OPCML: variants seen among roughly 807,000 people sequenced by gnomAD.
OPCML encodes opioid-binding protein/cell adhesion molecule.
Under a neutral mutation model 37.8 loss-of-function variants are expected in OPCML, and 13 were observed. The ratio of observed to expected loss-of-function variants is 0.34; its 90% confidence interval spans 0.22 to 0.55. OPCML has a LOEUF of 0.55. Ranked by LOEUF, OPCML falls within the 20% of genes least tolerant of loss-of-function variation. The pLI is 0.91. For synonymous variants in OPCML, 176 were observed against 168.8 expected (o/e 1.04, Z -0.33); for missense variants, 341 against 435.6 (o/e 0.78, Z 1.93).
intron 1 of OPCML, among the ~76,000 whole-genome samples, chr11:133,151,829 A>C (rs563828123): frequency 6.2e-4 from 94 of 152,198 alleles, no homozygotes; most frequent in African/African-American, 2.1e-3. Context: ...AAAAATCTCA[A>C]CTGAGATCCC....
chr11:133,260,370 G>A (rs1269258323), intron 1 of OPCML, among the ~76,000 whole-genome samples: 1 of 152,146 alleles, frequency 6.6e-6, no homozygotes, highest in African/African-American at 2.4e-5. Context: ...GTTGAGACCT[G>A]ACTAAAGAGG....
intron 3 of OPCML, among the ~76,000 whole-genome samples, chr11:132,620,573 C>A (rs1411260836): frequency 6.6e-6 from 1 of 152,200 alleles, no homozygotes; most frequent in Non-Finnish European, 1.5e-5. Context: ...TTTACCAACA[C>A]TGGCTACATA....
chr11:132,626,002 AT>A lies in OPCML; in HGVS notation c.379+31084del, dbSNP rs1258696074. Among the ~76,000 whole-genome samples, 9 of 151,870 alleles carry A rather than the reference AT, an allele frequency of 5.9e-5. No individual in the cohort carries two copies. The East Asian group carries it at 1.7e-3, about 29-fold the overall frequency. On this transcript the variant is annotated intron_variant, in intron 3 of 7. Transcript: ENST00000524381. Reference sequence around the variant, plus strand: ...TATGTTTAAATACATGTCTCCATTTATTTTTTCAAGAAACATTCATTGAACT... The same window carrying A: ...TATGTTTAAATACATGTCTCCATTTATTTTTCAAGAAACATTCATTGAACT...
At chr11:133,354,381 C>T (rs971010376) in intron 1 of OPCML, among the ~76,000 whole-genome samples, 4 of 70,506 alleles carry the variant, frequency 5.7e-5, no homozygotes, top group Admixed American at 3.1e-4. Context: ...AAGAAAAATA[C>T]GAATCAATGC....
chr11:132,918,481 A>T (rs1944681097), intron 2 of OPCML, among the ~76,000 whole-genome samples: 1 of 152,334 alleles, frequency 6.6e-6, no homozygotes, highest in South Asian at 2.1e-4. Flanking sequence ...ATAAAATTGG[A>T]ATCATACAGC....
At chr11:133,266,506 T>C (rs375614181) in intron 1 of OPCML, among the ~76,000 whole-genome samples, 150 of 152,304 alleles carry the variant, frequency 9.8e-4, no homozygotes, top group African/African-American at 3.5e-3. Context: ...CATCATACCA[T>C]GTTGTTGTCA....
At chr11:132,914,791 A>G (rs983528519) in intron 2 of OPCML, among the ~76,000 whole-genome samples, 1 of 152,184 alleles carries the variant, frequency 6.6e-6, no homozygotes, top group Non-Finnish European at 1.5e-5. Context: ...AGCCCCAAGG[A>G]GCTGGCTAAG....
chr11:132,803,026 C>A (rs1249123949), intron 2 of OPCML, among the ~76,000 whole-genome samples: 1 of 152,098 alleles, frequency 6.6e-6, no homozygotes, highest in Admixed American at 6.5e-5. Flanking sequence ...AACAAGCTCC[C>A]ACTCTAACAA....
chr11:132,510,422 C>T (rs1335673628), intron 4 of OPCML, among the ~76,000 whole-genome samples: 1 of 151,994 alleles, frequency 6.6e-6, no homozygotes, highest in African/African-American at 2.4e-5. Context: ...TTTGGAGGGG[C>T]CAGGGGCAGA....
intron 1 of OPCML, among the ~76,000 whole-genome samples, chr11:133,165,329 C>T (rs551282913): frequency 2.6e-5 from 4 of 152,130 alleles, no homozygotes; most frequent in Admixed American, 6.5e-5. Flanking sequence ...CCCAGGGACT[C>T]AGGTATACAG....
At chr11:132,929,211 T>C (rs1053975192) in intron 2 of OPCML, among the ~76,000 whole-genome samples, 3 of 151,898 alleles carry the variant, frequency 2.0e-5, no homozygotes, top group Admixed American at 2.0e-4. Context: ...TTTAGCTAGA[T>C]TGACTAAGAA....
chr11:133,267,055 A>G (rs912232318), intron 1 of OPCML, among the ~76,000 whole-genome samples: 1 of 152,194 alleles, frequency 6.6e-6, no homozygotes, highest in Admixed American at 6.5e-5. Context: ...CCTTGGGCAG[A>G]TAAATAGTTG....
chr11:133,497,368 G>GT (rs1352773263), intron 1 of OPCML, among the ~76,000 whole-genome samples: 2 of 152,070 alleles, frequency 1.3e-5, no homozygotes, highest in African/African-American at 4.8e-5. Context: ...ATTTTTGATA[G>GT]TTTTTTCTTT....
At chr11:132,865,025 G>A (rs965062720) in intron 2 of OPCML, among the ~76,000 whole-genome samples, 4 of 152,340 alleles carry the variant, frequency 2.6e-5, no homozygotes, top group Non-Finnish European at 4.4e-5. Flanking sequence ...CATTAGCTCC[G>A]CAAGTCAGGC....
At chr11:132,522,688 G>A (rs927426128) in intron 4 of OPCML, among the ~76,000 whole-genome samples, 4 of 152,084 alleles carry the variant, frequency 2.6e-5, no homozygotes, top group East Asian at 3.9e-4. Flanking sequence ...GAGATAAATC[G>A]ACATTTCGAA....
chr11:132,943,282 G>T lies in OPCML; in HGVS notation c.62-272C>A. On this transcript the variant is annotated intron_variant, in intron 1 of 7. Coordinates refer to ENST00000524381, the MANE Select transcript of OPCML (RefSeq NM_001012393.5). This position sits in a 1 kb window ranked among gnomAD's most constrained non-coding sequence, Gnocchi z 4.3. ...GAATTCTTCCTCAGATCCTGCCTCA[G>T]CTTTCCAGCCTAGCAGAACCAGATG... is the stretch of plus-strand genomic sequence containing the variant. 1 of 829,286 alleles carries T rather than the reference G, an allele frequency of 1.2e-6. No individual in the cohort carries two copies. The highest frequency in any genetic ancestry group is 1.8e-6 in the Non-Finnish European group (1 of 542,722). 51.4% of individuals were successfully genotyped at this position (829,286 alleles called of 1,614,324 possible). A position where few individuals can be genotyped will look rare whatever the true frequency, so the allele number is the denominator to read the frequency against.
chr11:133,252,207 A>G (rs995178980), intron 1 of OPCML, among the ~76,000 whole-genome samples: 6 of 152,236 alleles, frequency 3.9e-5, no homozygotes, highest in African/African-American at 1.4e-4. Flanking sequence ...ACATACACAC[A>G]TACATACATA....
intron 3 of OPCML, among the ~76,000 whole-genome samples, chr11:132,630,220 T>A (rs1324953096): frequency 1.3e-5 from 2 of 152,214 alleles, no homozygotes; most frequent in Middle Eastern, 3.2e-3. Flanking sequence ...AAGATGTTCA[T>A]CACACTGTTA....
intron 3 of OPCML, among the ~76,000 whole-genome samples, chr11:132,617,669 G>A (rs1210794740): frequency 6.6e-6 from 1 of 152,254 alleles, no homozygotes; most frequent in African/African-American, 2.4e-5. Flanking sequence ...GCTGGGATCT[G>A]AGATGAAGTT....
Sources: gnomAD v4.1 joint callset for allele counts (sites outside exome capture counted in the v4.1 genomes callset) on GRCh38, gnomAD v4.1.1 for gene constraint, Gnocchi (gnomAD v3.1) non-coding constraint, MANE v1.5 for transcripts, NCBI Gene and HGNC (gene_info 2026-07-23, HGNC 2026-07-21) for gene names.